The following GATAD2A variants were observed in gnomAD, a reference collection of about 807,000 sequenced individuals.
GATAD2A encodes transcriptional repressor p66-alpha.
A neutral mutation model predicts 68.5 loss-of-function variants in GATAD2A; 12 were observed. That is an observed-to-expected ratio of 0.18 (90% CI 0.11 to 0.28). The LOEUF (loss-of-function observed/expected upper bound fraction) is 0.28, where lower values mean the gene tolerates loss of function less well. GATAD2A is among the 10% of genes least tolerant of loss of function. GATAD2A has a pLI of 1.00. For synonymous variants in GATAD2A, 410 were observed against 375.3 expected (o/e 1.09, Z -1.07); for missense variants, 755 against 868.5 (o/e 0.87, Z 1.64).
At chr19:19,392,150 A>G (rs1197485918) in intron 1 of GATAD2A, among the ~76,000 whole-genome samples, 3 of 140,928 alleles carry the variant, frequency 2.1e-5, no homozygotes, top group Non-Finnish European at 3.0e-5. Context: ...GCAGTGGTGC[A>G]ATCACAGTTC....
chr19:19,502,215 A>G (rs763619881), intron 10 of GATAD2A, 116 bp from the exon 11 acceptor site: 6 of 948,360 alleles, frequency 6.3e-6, no homozygotes, highest in Non-Finnish European at 9.6e-6. Context: ...TTTGGACTTT[A>G]GGGACCCCAT....
intron 1 of GATAD2A, among the ~76,000 whole-genome samples, chr19:19,391,349 T>C (rs2048832817): frequency 6.6e-6 from 1 of 152,126 alleles, no homozygotes; most frequent in Non-Finnish European, 1.5e-5. Context: ...CCTTTCTTTC[T>C]CTCTTTCATG....
intron 5 of GATAD2A, among the ~76,000 whole-genome samples, chr19:19,494,926 G>A (rs2060046381): frequency 6.6e-6 from 1 of 152,212 alleles, no homozygotes; most frequent in Admixed American, 6.5e-5. Context: ...ACGGCTCTGG[G>A]TGGAGTCACT....
chr19:19,405,290 C>A (rs184987932), upstream of GATAD2A, among the ~76,000 whole-genome samples: 14 of 152,352 alleles, frequency 9.2e-5, no homozygotes, highest in East Asian at 2.1e-3. Context: ...CGCGTGACGA[C>A]CCCGCGGGGG....
chr19:19,416,416 G>A (rs1286607650), intron 1 of GATAD2A, among the ~76,000 whole-genome samples: 1 of 152,186 alleles, frequency 6.6e-6, no homozygotes, highest in Non-Finnish European at 1.5e-5. Context: ...AGACTGGACT[G>A]AAGGCCTTTC....
intron 1 of GATAD2A, among the ~76,000 whole-genome samples, chr19:19,420,026 T>C (rs2147244446): frequency 6.9e-6 from 1 of 144,342 alleles, no homozygotes; most frequent in African/African-American, 2.6e-5. Context: ...TTTTTTTTTT[T>C]TTGAGACAGA....
Position 19,443,840 on chromosome 19 carries a change from G to GT in GATAD2A, c.-6-21497dup, listed in dbSNP as rs375621339. On this transcript the variant is annotated intron_variant, in intron 1 of 11. Transcript: ENST00000683918. The stretch of plus-strand genomic sequence containing the variant: ...CTGAGGTAGAGGCCACTTGGGGGTA[G>GT]TTTAGGAGACCACTTGGGAGTAGTT... 1.5e-3 allele frequency among the ~76,000 whole-genome samples: 221 copies of GT among 152,102 alleles called. 1 individual carries two copies. Among genetic ancestry groups the GT allele is most frequent in the African/African-American group, 4.9e-3 (205 of 41,484 alleles).
intron 8 of GATAD2A, among the ~76,000 whole-genome samples, chr19:19,499,383 C>T (rs1318420800): frequency 6.6e-6 from 1 of 152,118 alleles, no homozygotes; most frequent in South Asian, 2.1e-4. Flanking sequence ...GAGGCTGAGT[C>T]CTCTCCTGGT....
At chr19:19,463,316 A>G (rs944364184) in intron 1 of GATAD2A, among the ~76,000 whole-genome samples, 1 of 152,196 alleles carries the variant, frequency 6.6e-6, no homozygotes, top group Non-Finnish European at 1.5e-5. Context: ...ACAACCTGTT[A>G]GTGAGCAGTT....
upstream of GATAD2A, chr19:19,402,407 G>C (rs2049835103): frequency 6.7e-6 from 1 of 149,982 alleles, no homozygotes; most frequent in African/African-American, 2.4e-5. Flanking sequence ...TACAGTATTG[G>C]GCCGGGCACA....
rs190545587 is a variant in GATAD2A at position 19,486,569 on chromosome 19, C to T, written c.270-5737C>T. Among the ~76,000 whole-genome samples the T allele has an allele frequency of 7.1e-4, 108 of 152,288 alleles. 1 individual carries two copies. In the East Asian group the frequency reaches 0.018, roughly 25 times the overall value. ...CAAATGACAGCCTTGGGGCAGCTCC[C>T]GGCAAACAACTCCATTTCCTTCTCC... On this transcript the variant is annotated intron_variant, in intron 2 of 11. Transcript: ENST00000683918.
intron 2 of GATAD2A, chr19:19,474,115 AAAG>A: frequency 1.0e-6 from 1 of 985,372 alleles, no homozygotes. Context: ...CAGCTGGAAA[AAAG>A]GTGTGCATCA....
rs143859413 is a variant in GATAD2A at position 19,408,109 on chromosome 19, C to G, written c.-7+2090C>G. 6.7e-3 allele frequency among the ~76,000 whole-genome samples: 1,012 copies of G among 152,126 alleles called. 7 individuals are homozygous for G. The highest frequency in any genetic ancestry group is 0.01 in the Non-Finnish European group (699 of 68,024). ...CCGCCTCTCAGGTTCAAGCAATTCT[C>G]CTGCCTCAGCCTCCCGAGTAGTTGG... is the stretch of plus-strand genomic sequence containing the variant. On this transcript the variant is annotated intron_variant, in intron 1 of 11. Coordinates refer to ENST00000683918, the MANE Select transcript of GATAD2A (RefSeq NM_001384528.1).
At chr19:19,463,545 G>A (rs1040807450) in intron 1 of GATAD2A, among the ~76,000 whole-genome samples, 3 of 152,206 alleles carry the variant, frequency 2.0e-5, no homozygotes, top group African/African-American at 7.2e-5. Context: ...GGGGGCAGCG[G>A]AGGCCGCACA....
intron 9 of GATAD2A, 86 bp from the exon 10 acceptor site, chr19:19,501,883 G>C: frequency 1.0e-6 from 1 of 963,854 alleles, no homozygotes; most frequent in Non-Finnish European, 1.6e-6. Flanking sequence ...CCCAGGGGAC[G>C]GGCCTGTCCT....
intron 1 of GATAD2A, among the ~76,000 whole-genome samples, chr19:19,422,015 G>A (rs1407442923): frequency 1.3e-5 from 2 of 151,970 alleles, no homozygotes; most frequent in Admixed American, 1.3e-4. Context: ...AAAGACTAGG[G>A]TTTCACCATG....
At chr19:19,490,555 A>C (rs917801504) in intron 2 of GATAD2A, among the ~76,000 whole-genome samples, 2 of 152,184 alleles carry the variant, frequency 1.3e-5, no homozygotes, top group Non-Finnish European at 2.9e-5. Context: ...TCTGGGTCAC[A>C]GTGCCACCTA....
At chr19:19,465,122 A>C (rs923472909) in intron 1 of GATAD2A, among the ~76,000 whole-genome samples, 83 of 152,230 alleles carry the variant, frequency 5.5e-4, no homozygotes, top group Middle Eastern at 3.2e-3. Context: ...GTTCAGCCAC[A>C]CAGTGGAGGC....
At chr19:19,466,941 A>T (rs1157501288) in intron 2 of GATAD2A, among the ~76,000 whole-genome samples, 1 of 152,190 alleles carries the variant, frequency 6.6e-6, no homozygotes, top group African/African-American at 2.4e-5. Context: ...GGAGGAGTCC[A>T]TGTTCATGGG....
Sources: allele counts gnomAD v4.1 joint callset (sites outside exome capture counted in the v4.1 genomes callset), GRCh38; gene constraint gnomAD v4.1.1; transcripts MANE v1.5; gene names NCBI Gene and HGNC (gene_info 2026-07-23, HGNC 2026-07-21).